The following MAP3K7CL variants were observed in gnomAD, a reference collection of about 807,000 sequenced individuals.
The protein encoded by MAP3K7CL is MAP3K7 C-terminal-like protein.
In MAP3K7CL, 16 loss-of-function variants were observed where a neutral mutation model predicts 18.6. That is an observed-to-expected ratio of 0.86 (90% CI 0.58 to 1.31). MAP3K7CL has a LOEUF of 1.31. MAP3K7CL is among the 50% of genes most tolerant of loss of function. The pLI, the probability that MAP3K7CL is intolerant of heterozygous loss-of-function variation, is 0.00. For missense variants in MAP3K7CL, 163 were observed against 174.4 expected (o/e 0.93, Z 0.37); for synonymous variants, 65 against 66.8 (o/e 0.97, Z 0.13).
At chr21:29,125,591 A>G (rs1190682567) in intron 4 of MAP3K7CL, among the ~76,000 whole-genome samples, 1 of 152,248 alleles carries the variant, frequency 6.6e-6, no homozygotes, top group Middle Eastern at 3.2e-3. Context: ...CTCTAGAAAC[A>G]TACAATTTTT....
At chr21:29,145,835 A>G (rs2087115891) in intron 2 of MAP3K7CL, 1 of 152,118 alleles carries the variant, frequency 6.6e-6, no homozygotes, top group South Asian at 2.1e-4. Flanking sequence ...TAAAACATCT[A>G]TTGTATGTTG....
chr21:29,140,358 A>C (rs1171354782), intron 2 of MAP3K7CL, among the ~76,000 whole-genome samples: 1 of 152,222 alleles, frequency 6.6e-6, no homozygotes. Flanking sequence ...GTGAGTGTTC[A>C]TTGAGTACTA....
chr21:29,138,261 C>T (rs980223803), intron 2 of MAP3K7CL, among the ~76,000 whole-genome samples: 2 of 152,222 alleles, frequency 1.3e-5, no homozygotes, highest in East Asian at 1.9e-4. Context: ...TGGTAATTCC[C>T]AGAGGCAGTG....
At chr21:29,095,637 T>C (rs1601140838) in intron 4 of MAP3K7CL, among the ~76,000 whole-genome samples, 1 of 152,354 alleles carries the variant, frequency 6.6e-6, no homozygotes, top group East Asian at 1.9e-4. Flanking sequence ...AATACAAATG[T>C]TGTAGCACAA....
At chr21:29,141,243 C>T (rs924121303) in intron 2 of MAP3K7CL, among the ~76,000 whole-genome samples, 2 of 152,234 alleles carry the variant, frequency 1.3e-5, no homozygotes, top group East Asian at 1.9e-4. Context: ...TGGCTGGGCA[C>T]AGTGGCTCAC....
intron 1 of MAP3K7CL, among the ~76,000 whole-genome samples, chr21:29,088,081 C>A (rs2030343045): frequency 6.6e-6 from 1 of 152,140 alleles, no homozygotes; most frequent in African/African-American, 2.4e-5. Flanking sequence ...TAGATAGGGA[C>A]CATATTTCTC....
chr21:29,092,721 G>A (rs2086051256), intron 4 of MAP3K7CL: 2 of 839,330 alleles, frequency 2.4e-6, no homozygotes, highest in Admixed American at 5.3e-5. Context: ...TCTACGACGT[G>A]CTGGGTGTTC....
In MAP3K7CL at chr21:29,130,893, T is replaced by C; in HGVS notation, c.-70T>C. 1.0e-6 allele frequency: 1 copy of C among 985,530 alleles called. No homozygotes were observed. The highest frequency in any genetic ancestry group is 1.2e-6 in the Non-Finnish European group (1 of 830,014). The allele number at this position is 985,530 out of a possible 1,614,324, so 61.0% of individuals were successfully genotyped here. On this transcript the variant is annotated 5_prime_UTR_variant, in exon 1 of 5. Coordinates refer to ENST00000399928, the MANE Select transcript of MAP3K7CL (RefSeq NM_001286620.2). ...GGCCAAGGCAGTGGCTGGCTCTGGG[T>C]TACACAAGTGCAGACACTCAACTAA...
At chr21:29,124,886 A>G (rs1037455144) in intron 4 of MAP3K7CL, among the ~76,000 whole-genome samples, 2 of 152,226 alleles carry the variant, frequency 1.3e-5, no homozygotes, top group African/African-American at 4.8e-5. Flanking sequence ...TTAGAACAGC[A>G]GAGATGAGTA....
chr21:29,119,943 G>A (rs1047178102), intron 4 of MAP3K7CL, among the ~76,000 whole-genome samples: 4 of 152,176 alleles, frequency 2.6e-5, no homozygotes, highest in African/African-American at 9.7e-5. Context: ...GGGATTACAG[G>A]CATGAGCCAC....
At chr21:29,131,607 A>G (rs940194636) in intron 1 of MAP3K7CL, 1 of 152,214 alleles carries the variant, frequency 6.6e-6, no homozygotes, top group African/African-American at 2.4e-5. Flanking sequence ...ATTTCTTTCT[A>G]ACTTAGAATT....
chr21:29,157,318 C>A (rs2087431432), intron 3 of MAP3K7CL, among the ~76,000 whole-genome samples: 1 of 152,132 alleles, frequency 6.6e-6, no homozygotes, highest in South Asian at 2.1e-4. Flanking sequence ...GAGAATTTTA[C>A]AATGTTTTGG....
intron 3 of MAP3K7CL, among the ~76,000 whole-genome samples, chr21:29,155,388 A>C (rs1294771718): frequency 1.3e-5 from 2 of 152,094 alleles, no homozygotes; most frequent in African/African-American, 4.8e-5. Flanking sequence ...TTTGAAGAGG[A>C]TGGGGCCAGT....
At chr21:29,128,388 C>T (rs369403256), upstream of MAP3K7CL, among the ~76,000 whole-genome samples, 13 of 151,840 alleles carry the variant, frequency 8.6e-5, no homozygotes, top group African/African-American at 1.2e-4. Flanking sequence ...CTGCAAGCTC[C>T]GCCTCCTGGG....
At chr21:29,133,577 A>C (rs2086821535) in intron 2 of MAP3K7CL, among the ~76,000 whole-genome samples, 163 bp downstream of exon 2, 1 of 152,204 alleles carries the variant, frequency 6.6e-6, no homozygotes, top group Admixed American at 6.5e-5. Context: ...CGGCTTCCAG[A>C]AATGCCTCTA....
At chr21:29,116,478 G>A (rs1159108503) in intron 4 of MAP3K7CL, among the ~76,000 whole-genome samples, 1 of 152,104 alleles carries the variant, frequency 6.6e-6, no homozygotes, top group East Asian at 1.9e-4. Context: ...CTTTCCTACT[G>A]CCCATGTAGC....
At chr21:29,085,514 T>G (rs2085908813), upstream of MAP3K7CL, among the ~76,000 whole-genome samples, 1 of 120,772 alleles carries the variant, frequency 8.3e-6, no homozygotes, top group South Asian at 2.8e-4. Context: ...GCCACTGCAC[T>G]CCAGCCTGGG....
Position 29,148,028 on chromosome 21 carries a change from CTG to C in MAP3K7CL, c.71-1159_71-1158del, listed in dbSNP as rs1354172543. 1.5e-4 allele frequency among the ~76,000 whole-genome samples: 23 copies of C among 151,740 alleles called. No individual in the cohort carries two copies. In the East Asian group the frequency reaches 2.3e-3, roughly 15 times the overall value. ...ATATGTATATGTACTGTATATGTATCTGTACTATACCTGTACTGTATGTATAT... is the reference window on the plus strand; with the variant it reads ...ATATGTATATGTACTGTATATGTATCTACTATACCTGTACTGTATGTATAT... On this transcript the variant is annotated intron_variant, in intron 2 of 4. Coordinates refer to ENST00000399928, the MANE Select transcript of MAP3K7CL (RefSeq NM_001286620.2).
chr21:29,079,440 G>A (rs2085800318), intron 1 of MAP3K7CL, among the ~76,000 whole-genome samples: 1 of 152,206 alleles, frequency 6.6e-6, no homozygotes, highest in South Asian at 2.1e-4. Flanking sequence ...TTCTCTATGG[G>A]TCTCTCAGCT....
Sources: allele counts gnomAD v4.1 joint callset (sites outside exome capture counted in the v4.1 genomes callset), GRCh38; gene constraint gnomAD v4.1.1; transcripts MANE v1.5; gene names NCBI Gene and HGNC (gene_info 2026-07-23, HGNC 2026-07-21).